Variants in RETREG1 observed in about 807,000 individuals in gnomAD.
RETREG1 encodes the protein family with sequence similarity 134 member B.
A neutral mutation model predicts 54.8 loss-of-function variants in RETREG1; 44 were observed. That is an observed-to-expected ratio of 0.80 (90% CI 0.63 to 1.03). The LOEUF is 1.03. RETREG1 is among the 50% of genes least tolerant of loss of function. RETREG1 has a pLI of 0.00. For synonymous variants in RETREG1, 217 were observed against 238.5 expected, an observed-to-expected ratio of 0.91 and a Z score of 0.83; for missense variants, 554 against 605.1, an observed-to-expected ratio of 0.92 and a Z score of 0.89.
chr5:16,588,778 T>C (rs1742682416), intron 1 of RETREG1, among the ~76,000 whole-genome samples: 1 of 152,254 alleles, frequency 6.6e-6, no homozygotes, highest in Non-Finnish European at 1.5e-5. Context: ...TACCGTGTCC[T>C]GGCCTACTTA....
At chr5:16,576,346 G>A (rs1258147639) in intron 1 of RETREG1, among the ~76,000 whole-genome samples, 1 of 149,940 alleles carries the variant, frequency 6.7e-6, no homozygotes, top group East Asian at 1.9e-4. Context: ...AGGCTGGAGG[G>A]CAGTGGCGCA....
chr5:16,506,459 C>T (rs1449699536), intron 3 of RETREG1, among the ~76,000 whole-genome samples: 4 of 147,416 alleles, frequency 2.7e-5, no homozygotes, highest in African/African-American at 1.0e-4. Context: ...TGTTCCATTG[C>T]AATCTTTTTG....
rs560265037 is a variant in RETREG1, at chr5:16,597,830, C to A, written c.320+18822G>T. 6.6e-6 allele frequency among the ~76,000 whole-genome samples: 1 copy of A among 152,240 alleles called. No homozygotes were observed. Among genetic ancestry groups the A allele is most frequent in the African/African-American group, 2.4e-5 (1 of 41,536 alleles). ...AGTTCTCCAGGCCTGAAAGAGGTCC[C>A]AGTCCTGGAACTAGTACCTAAGCCC... is the stretch of plus-strand genomic sequence containing the variant. On this transcript the variant is annotated intron_variant, in intron 1 of 8. Coordinates refer to ENST00000306320, the MANE Select transcript of RETREG1 (RefSeq NM_001034850.3). The surrounding 1 kb of genome is among the most constrained non-coding windows in gnomAD (Gnocchi z 4.3).
At chr5:16,519,204 G>A (rs1436466770) in intron 3 of RETREG1, among the ~76,000 whole-genome samples, 3 of 152,300 alleles carry the variant, frequency 2.0e-5, no homozygotes, top group East Asian at 1.9e-4. Flanking sequence ...TGCGTGGTGG[G>A]TGGAATCACA....
At chr5:16,579,963 T>C (rs1449935747) in intron 1 of RETREG1, among the ~76,000 whole-genome samples, 1 of 152,270 alleles carries the variant, frequency 6.6e-6, no homozygotes, top group South Asian at 2.1e-4. Context: ...CATTTTGGCA[T>C]GGCTTTTTAA....
intron 3 of RETREG1, among the ~76,000 whole-genome samples, chr5:16,541,755 AG>A: frequency 8.9e-6 from 1 of 111,810 alleles, no homozygotes; most frequent in Non-Finnish European, 1.8e-5. Flanking sequence ...GAAGGAAGGA[AG>A]GAAGGAAGGA....
At chr5:16,508,697 C>T in intron 3 of RETREG1, 1 of 1,603,692 alleles carries the variant, frequency 6.2e-7, no homozygotes, top group South Asian at 1.1e-5. Context: ...AGTTTCTTTT[C>T]TACTCTAATG....
chr5:16,489,082 C>CAAAAAAAAA (rs567475517), intron 3 of RETREG1, among the ~76,000 whole-genome samples: 1 of 62,974 alleles, frequency 1.6e-5, no homozygotes, highest in Non-Finnish European at 2.8e-5. Flanking sequence ...GATTCTGTCT[C>CAAAAAAAAA]AAAAAAAAAA....
chr5:16,529,645 G>A (rs12188529), intron 3 of RETREG1, among the ~76,000 whole-genome samples: 51,735 of 151,772 alleles, frequency 0.34, 10,029 homozygotes, highest in Admixed American at 0.47. Context: ...GACACACCGG[G>A]GTGACTTTGC....
At chr5:16,512,266 G>T (rs1301434786) in intron 3 of RETREG1, among the ~76,000 whole-genome samples, 1 of 152,172 alleles carries the variant, frequency 6.6e-6, no homozygotes, top group East Asian at 1.9e-4. Context: ...GCAAAGTCAG[G>T]TGACTTGCGG....
intron 3 of RETREG1, among the ~76,000 whole-genome samples, chr5:16,551,665 G>A (rs143518250): frequency 3.0e-4 from 46 of 152,176 alleles, no homozygotes; most frequent in African/African-American, 1.1e-3. Context: ...TGGAAAAACT[G>A]CCCTCTACAT....
intron 3 of RETREG1, among the ~76,000 whole-genome samples, chr5:16,496,741 C>T (rs77159796): frequency 0.02 from 2,985 of 152,262 alleles, 34 homozygotes; most frequent in Non-Finnish European, 0.032. Flanking sequence ...ATGGAAACAA[C>T]GGGCACAAAG....
At chr5:16,518,529 A>G (rs750872926) in intron 3 of RETREG1, among the ~76,000 whole-genome samples, 2 of 152,016 alleles carry the variant, frequency 1.3e-5, no homozygotes, top group Non-Finnish European at 2.9e-5. Flanking sequence ...TCAGCAACAA[A>G]TTACTCTTAT....
chr5:16,493,652 G>A (rs189711438), intron 3 of RETREG1, among the ~76,000 whole-genome samples: 1 of 152,110 alleles, frequency 6.6e-6, no homozygotes, highest in East Asian at 1.9e-4. Context: ...TCAACCCAGG[G>A]TTTACTGTAG....
At chr5:16,490,209 A>G (rs1213840651) in intron 3 of RETREG1, among the ~76,000 whole-genome samples, 1 of 152,168 alleles carries the variant, frequency 6.6e-6, no homozygotes, top group Admixed American at 6.5e-5. Flanking sequence ...AAATCCACCC[A>G]TGGACATCCC....
chr5:16,545,342 G>A (rs1741356147), intron 3 of RETREG1, among the ~76,000 whole-genome samples: 1 of 152,150 alleles, frequency 6.6e-6, no homozygotes, highest in South Asian at 2.1e-4. Flanking sequence ...ATGGGATATG[G>A]TAGAATGCTG....
At chr5:16,608,345 A>G (rs17541315) in intron 1 of RETREG1, among the ~76,000 whole-genome samples, 39,586 of 152,074 alleles carry the variant, frequency 0.26, 6,342 homozygotes, top group Non-Finnish European at 0.35. Context: ...CCTCAGTGTG[A>G]GTCAGGAGAG....
At chr5:16,527,798 TAA>T (rs1271864158) in intron 3 of RETREG1, among the ~76,000 whole-genome samples, 4 of 131,538 alleles carry the variant, frequency 3.0e-5, no homozygotes, top group African/African-American at 1.2e-4. Context: ...CGAGGGACTC[TAA>T]TTTTTTTTTT....
At chr5:16,578,652 A>C (rs1742401108) in intron 1 of RETREG1, among the ~76,000 whole-genome samples, 1 of 152,094 alleles carries the variant, frequency 6.6e-6, no homozygotes, top group South Asian at 2.1e-4. Flanking sequence ...GCAATCAACC[A>C]CCTCTACTTA....
Sources: gnomAD v4.1 joint callset for allele counts (sites outside exome capture counted in the v4.1 genomes callset) on GRCh38, gnomAD v4.1.1 for gene constraint, Gnocchi (gnomAD v3.1) non-coding constraint, MANE v1.5 for transcripts, NCBI Gene and HGNC (gene_info 2026-07-23, HGNC 2026-07-21) for gene names.